The following SPEF2 variants were observed in gnomAD, a reference collection of about 807,000 sequenced individuals.
SPEF2 encodes sperm flagellar and cilia associated 2.
Under a neutral mutation model 224.6 loss-of-function variants are expected in SPEF2, and 187 were observed. That is an observed-to-expected ratio of 0.83 (90% confidence interval 0.74 to 0.94). The LOEUF (loss-of-function observed/expected upper bound fraction) is 0.94, where lower values mean the gene tolerates loss of function less well. Ranked by LOEUF, SPEF2 falls within the 40% of genes least tolerant of loss-of-function variation. SPEF2 has a pLI of 0.00. For synonymous variants in SPEF2, 715 were observed against 707.3 expected (o/e 1.01, Z -0.17); for missense variants, 2,170 against 2,135.6 (o/e 1.02, Z -0.32).
chr5:35,622,396 A>T (rs1215588993), intron 1 of SPEF2, among the ~76,000 whole-genome samples: 1 of 152,208 alleles, frequency 6.6e-6, no homozygotes, highest in African/African-American at 2.4e-5. Context: ...ATTTTTATGC[A>T]ATAGTTCATA....
At chr5:35,790,288 G>A in intron 30 of SPEF2, 1 of 608,608 alleles carries the variant, frequency 1.6e-6, no homozygotes, top group South Asian at 2.0e-5. Flanking sequence ...ATCCATTTAT[G>A]GAATGCAAGA....
chr5:35,657,265 C>A (rs190853843), intron 7 of SPEF2, among the ~76,000 whole-genome samples: 46 of 152,262 alleles, frequency 3.0e-4, no homozygotes, highest in South Asian at 2.7e-3. Flanking sequence ...TTTAGTTTGG[C>A]TGGTGAAGAG....
intron 19 of SPEF2, among the ~76,000 whole-genome samples, chr5:35,712,208 G>C (rs10040024): frequency 0.84 from 128,097 of 152,002 alleles, 54,487 homozygotes; most frequent in African/African-American, 0.96. Context: ...TTATTTACCT[G>C]TTCTTCAAAG....
chr5:35,682,166 T>C (rs1752918842), intron 10 of SPEF2, among the ~76,000 whole-genome samples: 1 of 152,156 alleles, frequency 6.6e-6, no homozygotes, highest in Non-Finnish European at 1.5e-5. Flanking sequence ...GCAGCTTGAA[T>C]GTCTTGCCAT....
At chr5:35,788,084 G>A in intron 30 of SPEF2, 1 of 702,830 alleles carries the variant, frequency 1.4e-6, no homozygotes, top group Non-Finnish European at 2.6e-6. Context: ...TTTTTTTTAT[G>A]GTACTGACAA....
rs554366949 is a variant in SPEF2, at chr5:35,723,270, A to G, written c.2915-4405A>G. Among the ~76,000 whole-genome samples, 7 of 152,324 alleles carry G rather than the reference A, an allele frequency of 4.6e-5. No individual in the cohort carries two copies. The South Asian group carries it at 1.4e-3, about 32-fold the overall frequency. Reference sequence around the variant, plus strand: ...AGTGAAAGGAAATTGAAATAACTAGATCATCTATGAGAGCAGAGGCTCTTC... The same window carrying G: ...AGTGAAAGGAAATTGAAATAACTAGGTCATCTATGAGAGCAGAGGCTCTTC... On this transcript the variant is annotated intron_variant, in intron 20 of 36. Transcript: ENST00000356031.
intron 5 of SPEF2, among the ~76,000 whole-genome samples, chr5:35,648,272 T>C (rs1234047057): frequency 6.6e-6 from 1 of 152,134 alleles, no homozygotes; most frequent in Admixed American, 6.5e-5. Context: ...AACAAAATAT[T>C]CTGTACTTGG....
At chr5:35,771,588 A>C in intron 26 of SPEF2, 21 bp from the exon 27 acceptor site, 1 of 1,583,760 alleles carries the variant, frequency 6.3e-7, no homozygotes, top group Non-Finnish European at 8.5e-7. Context: ...ATTAACTGAA[A>C]TATTGCTGTT....
chr5:35,670,295 G>T, intron 10 of SPEF2, 68 bp downstream of exon 10: 3 of 1,500,980 alleles, frequency 2.0e-6, no homozygotes, highest in East Asian at 2.4e-5. Context: ...TTAATTTTGT[G>T]ATATTCCTTA....
intron 10 of SPEF2, among the ~76,000 whole-genome samples, chr5:35,685,662 T>C (rs183988011): frequency 9.9e-5 from 15 of 152,176 alleles, no homozygotes; most frequent in Non-Finnish European, 4.4e-5. Context: ...AAGCCAAAAA[T>C]GTGACTTGCT....
At position 35,659,081 on chromosome 5, in the gene SPEF2, G is replaced by A; in HGVS notation, c.1041G>A (p.Arg347=). ...RLMRQSQQER[R]IAVQLMHVRH... is the part of the protein sequence containing the mutation. Reference sequence around the variant, plus strand: ...TGCGGCAGTCCCAGCAGGAGCGCAGGATTGCCGTGCAGCTCATGCATGTTC... The same window carrying A: ...TGCGGCAGTCCCAGCAGGAGCGCAGAATTGCCGTGCAGCTCATGCATGTTC... The change falls in exon 8 of 37, where the codon AGG becomes AGA. Residue 347 remains arginine (R), a synonymous_variant. Coordinates refer to ENST00000356031, the MANE Select transcript of SPEF2 (RefSeq NM_024867.4). The A allele has an allele frequency of 6.2e-7, 1 of 1,611,322 alleles. No homozygotes were observed. Among genetic ancestry groups the A allele is most frequent in the Non-Finnish European group, 8.5e-7 (1 of 1,178,294 alleles).
At chr5:35,746,717 A>G (rs2149708157) in intron 23 of SPEF2, among the ~76,000 whole-genome samples, 1 of 152,284 alleles carries the variant, frequency 6.6e-6, no homozygotes, top group Admixed American at 6.5e-5. Flanking sequence ...CCTGAGGAAG[A>G]AGAGAATTAT....
rs1206756832 is a variant in SPEF2 at position 35,692,684 on chromosome 5, A to G, written c.1859A>G (p.Asp620Gly). The change falls in exon 12 of 37, where the codon GAT (aspartate) becomes GGT (glycine). Residue 620 changes from aspartate (D) to glycine (G), a missense_variant. Physicochemically the swap from Asp to Gly is moderately conservative, Grantham distance 94. Coordinates refer to ENST00000356031, the MANE Select transcript of SPEF2 (RefSeq NM_024867.4). ...CCAATTCAGAAAAATGATGAAGAAG[A>G]TGCTCTACCAGTTCTGCAAGAGGAG... ...VLPIQKNDEE[D>G]ALPVLQEEIK... 2 of 1,613,794 alleles carry G rather than the reference A, an allele frequency of 1.2e-6. No homozygotes were observed. The highest frequency in any genetic ancestry group is 1.1e-5 in the South Asian group (1 of 91,048).
chr5:35,641,731 A>T (rs751475768), intron 3 of SPEF2, 48 bp downstream of exon 3: 250 of 1,560,798 alleles, frequency 1.6e-4, no homozygotes, highest in Non-Finnish European at 2.1e-4. Flanking sequence ...GTAAAATTTG[A>T]TAAAGAGAAA....
In SPEF2 at chr5:35,710,941, T is replaced by G. The variant is rs182768608; in HGVS notation, c.2839+1820T>G. ...TTAGAAAGGTTAATCTCGAGAGTCTTAATTGCTGCCACCCAACCTTACTGT... is the reference window on the plus strand; with the variant it reads ...TTAGAAAGGTTAATCTCGAGAGTCTGAATTGCTGCCACCCAACCTTACTGT... On this transcript the variant is annotated intron_variant, in intron 19 of 36. Coordinates refer to ENST00000356031, the MANE Select transcript of SPEF2 (RefSeq NM_024867.4). 570 of 942,512 alleles carry G rather than the reference T, an allele frequency of 6.0e-4. 1 individual carries two copies. In the African/African-American group the frequency reaches 8.9e-3, roughly 15 times the overall value. 58.4% of individuals were successfully genotyped at this position (942,512 alleles called of 1,614,324 possible). A position where few individuals can be genotyped will look rare whatever the true frequency, so the allele number is the denominator to read the frequency against.
At chr5:35,749,582 A>C (rs958771351) in intron 23 of SPEF2, among the ~76,000 whole-genome samples, 12 of 152,132 alleles carry the variant, frequency 7.9e-5, no homozygotes, top group African/African-American at 2.9e-4. Context: ...GAATCAAATC[A>C]AGAACTCAAC....
intron 17 of SPEF2, 50 bp downstream of exon 17, chr5:35,704,712 G>A (rs1335011723): frequency 9.3e-7 from 1 of 1,070,482 alleles, no homozygotes; most frequent in South Asian, 1.3e-5. Flanking sequence ...TTTTTAAATA[G>A]ATTGACAACA....
intron 32 of SPEF2, among the ~76,000 whole-genome samples, chr5:35,793,692 C>T (rs1756261802): frequency 6.6e-6 from 1 of 151,884 alleles, no homozygotes; most frequent in Admixed American, 6.6e-5. Flanking sequence ...ATGTCCAATA[C>T]TCTAAGCTCC....
chr5:35,743,599 T>C (rs941646633), intron 23 of SPEF2, among the ~76,000 whole-genome samples: 1 of 152,198 alleles, frequency 6.6e-6, no homozygotes, highest in Non-Finnish European at 1.5e-5. Context: ...TCATGCCCTA[T>C]GACCAAACTC....
Sources: gnomAD v4.1 joint callset for allele counts (sites outside exome capture counted in the v4.1 genomes callset) on GRCh38, gnomAD v4.1.1 for gene constraint, MANE v1.5 for transcripts, NCBI Gene and HGNC (gene_info 2026-07-23, HGNC 2026-07-21) for gene names.